Variants in C8orf34 observed in about 807,000 individuals in gnomAD.
C8orf34 encodes the protein uncharacterized protein C8orf34.
In C8orf34, 65 loss-of-function variants were observed where a neutral mutation model predicts 68.3. The ratio of observed to expected loss-of-function variants is 0.95; its 90% CI spans 0.78 to 1.17. The LOEUF (loss-of-function observed/expected upper bound fraction) is 1.17, where lower values mean the gene tolerates loss of function less well. Ranked by LOEUF, C8orf34 falls within the 50% of genes most tolerant of loss-of-function variation. C8orf34 has a pLI of 0.00. For synonymous variants in C8orf34, 244 were observed against 241.2 expected, an observed-to-expected ratio of 1.01 and a Z score of -0.11; for missense variants, 664 against 655.4, an observed-to-expected ratio of 1.01 and a Z score of -0.14.
At chr8:68,610,861 GTTT>G (rs60113883) in intron 7 of C8orf34, among the ~76,000 whole-genome samples, 1 of 120,466 alleles carries the variant, frequency 8.3e-6, no homozygotes. Flanking sequence ...TGAATCTTTG[GTTT>G]TTTTTTTTTT....
At chr8:68,780,115 T>A (rs1015638194) in intron 11 of C8orf34, among the ~76,000 whole-genome samples, 3 of 152,172 alleles carry the variant, frequency 2.0e-5, no homozygotes, top group African/African-American at 7.2e-5. Context: ...TTAATCACTA[T>A]CCATAGGATA....
intron 7 of C8orf34, among the ~76,000 whole-genome samples, chr8:68,578,150 T>G (rs569608849): frequency 6.6e-6 from 1 of 152,072 alleles, no homozygotes; most frequent in East Asian, 1.9e-4. Flanking sequence ...CTTGCCAAGA[T>G]TTTTGGGGCT....
At chr8:68,766,303 A>T (rs1173003895) in intron 10 of C8orf34, among the ~76,000 whole-genome samples, 4 of 152,236 alleles carry the variant, frequency 2.6e-5, no homozygotes, top group Admixed American at 1.3e-4. Context: ...TTGCAAAGAC[A>T]CAGGTTGATT....
intron 1 of C8orf34, among the ~76,000 whole-genome samples, chr8:68,349,266 A>G (rs1806409063): frequency 6.6e-6 from 1 of 151,896 alleles, no homozygotes; most frequent in Admixed American, 6.6e-5. Context: ...TGTTTATGTG[A>G]TGAATCACAT....
chr8:68,396,526 C>T (rs1448949034), intron 1 of C8orf34, among the ~76,000 whole-genome samples: 2 of 151,428 alleles, frequency 1.3e-5, no homozygotes, highest in African/African-American at 4.9e-5. Context: ...ACACCTGTAC[C>T]CCTGGTTATA....
chr8:68,676,526 T>C (rs1052529695), intron 8 of C8orf34, among the ~76,000 whole-genome samples: 1 of 152,150 alleles, frequency 6.6e-6, no homozygotes, highest in Non-Finnish European at 1.5e-5. Context: ...ATAAACCAAA[T>C]GGACCTAATA....
At chr8:68,496,529 T>G (rs1813530521) in intron 5 of C8orf34, among the ~76,000 whole-genome samples, 1 of 152,354 alleles carries the variant, frequency 6.6e-6, no homozygotes, top group East Asian at 1.9e-4. Flanking sequence ...TTTAAGTTGC[T>G]TCACACTGGC....
chr8:68,338,141 G>C (rs1002641957), intron 1 of C8orf34, among the ~76,000 whole-genome samples: 24 of 152,144 alleles, frequency 1.6e-4, no homozygotes, highest in Non-Finnish European at 7.4e-5. Flanking sequence ...TCTGGTGAGG[G>C]CCCTCTTACT....
chr8:68,798,389 C>T (rs1360911803), intron 12 of C8orf34, among the ~76,000 whole-genome samples: 1 of 150,602 alleles, frequency 6.6e-6, no homozygotes, highest in African/African-American at 2.5e-5. Flanking sequence ...CTGGACCTTC[C>T]CAGGCTTGAT....
intron 10 of C8orf34, among the ~76,000 whole-genome samples, chr8:68,753,907 A>G (rs566266245): frequency 1.3e-4 from 20 of 152,232 alleles, no homozygotes; most frequent in African/African-American, 4.3e-4. Context: ...CCTGGCCAGG[A>G]ATAGAGTCAC....
intron 5 of C8orf34, among the ~76,000 whole-genome samples, chr8:68,491,399 CAT>C (rs1382938900): frequency 6.6e-6 from 1 of 152,150 alleles, no homozygotes; most frequent in Admixed American, 6.5e-5. Context: ...CAAAGTTGAA[CAT>C]GAGTTTCCCT....
chr8:68,530,627 A>G, intron 6 of C8orf34: 1 of 1,238,080 alleles, frequency 8.1e-7, no homozygotes, highest in South Asian at 1.4e-5. Flanking sequence ...TGCAGAGGAC[A>G]GATGCCATGG....
intron 8 of C8orf34, among the ~76,000 whole-genome samples, chr8:68,691,249 C>T (rs564571730): frequency 6.6e-6 from 1 of 151,920 alleles, no homozygotes; most frequent in Non-Finnish European, 1.5e-5. Context: ...TCTGTCTGTG[C>T]CATTTTTCCA....
chr8:68,417,318 T>C (rs907742402), intron 1 of C8orf34, among the ~76,000 whole-genome samples: 1 of 152,106 alleles, frequency 6.6e-6, no homozygotes, highest in Admixed American at 6.6e-5. Context: ...TACAAATATA[T>C]TGGCACATAT....
chr8:68,793,096 G>A (rs1020858118), intron 12 of C8orf34, among the ~76,000 whole-genome samples: 5 of 152,050 alleles, frequency 3.3e-5, no homozygotes, highest in African/African-American at 9.7e-5. Context: ...AGAATTAATG[G>A]AAAGTTTTAA....
intron 1 of C8orf34, among the ~76,000 whole-genome samples, chr8:68,422,570 G>T (rs193003990): frequency 1.3e-4 from 20 of 152,174 alleles, no homozygotes; most frequent in African/African-American, 4.8e-4. Flanking sequence ...ACAGGCTGGT[G>T]TTGAGTTCCT....
chr8:68,433,666 G>A (rs116413061), intron 1 of C8orf34, among the ~76,000 whole-genome samples: 166 of 152,290 alleles, frequency 1.1e-3, no homozygotes, highest in African/African-American at 3.7e-3. Context: ...GTACACGAAT[G>A]GGTAAACACC....
In C8orf34 at chr8:68,724,017, C is replaced by A. The variant is rs1038703791; in HGVS notation, c.1404+2580C>A. ...TTAATATCATATTACACATTTAAATCTTTTTGGAATTAAGTGGAATAAAAC... is the reference window on the plus strand; with the variant it reads ...TTAATATCATATTACACATTTAAATATTTTTGGAATTAAGTGGAATAAAAC... On this transcript the variant is annotated intron_variant, in intron 10 of 13. Coordinates refer to ENST00000518698, the MANE Select transcript of C8orf34 (RefSeq NM_052958.4). Among the ~76,000 whole-genome samples, 17 of 151,968 alleles carry A rather than the reference C, an allele frequency of 1.1e-4. 1 individual carries two copies. The highest frequency in any genetic ancestry group is 5.9e-5 in the Non-Finnish European group (4 of 67,980).
chr8:68,606,748 G>C (rs1817866480), intron 7 of C8orf34, among the ~76,000 whole-genome samples: 1 of 152,080 alleles, frequency 6.6e-6, no homozygotes, highest in Non-Finnish European at 1.5e-5. Flanking sequence ...TGGGAGGGCA[G>C]AAAGGGAGTG....
Sources: gnomAD v4.1 joint callset for allele counts (sites outside exome capture counted in the v4.1 genomes callset) on GRCh38, gnomAD v4.1.1 for gene constraint, MANE v1.5 for transcripts, NCBI Gene and HGNC (gene_info 2026-07-23, HGNC 2026-07-21) for gene names.